The following LMO7 variants were observed in gnomAD, a reference collection of about 807,000 sequenced individuals.
The protein encoded by LMO7 is LIM domain only protein 7.
In LMO7, 120 loss-of-function variants were observed where a neutral mutation model predicts 206.5. The ratio of observed to expected loss-of-function variants is 0.58; its 90% CI spans 0.50 to 0.68. LMO7 has a LOEUF of 0.68. Among genes scored for constraint, LMO7 ranks in the 30% least tolerant of loss-of-function variants. The probability of loss-of-function intolerance (pLI) is 0.00; values close to 1 mark genes in which losing one functional copy is unlikely to be tolerated. For missense variants in LMO7, 1,959 were observed against 1,957.9 expected, an observed-to-expected ratio of 1.00 and a Z score of -0.01; for synonymous variants, 706 against 681.5, an observed-to-expected ratio of 1.04 and a Z score of -0.56.
At chr13:75,733,930 A>G (rs561814583) in intron 3 of LMO7, among the ~76,000 whole-genome samples, 2 of 152,162 alleles carry the variant, frequency 1.3e-5, no homozygotes, top group African/African-American at 4.8e-5. Flanking sequence ...GGCTACCACA[A>G]TGGTGGCCCA....
At chr13:75,754,187 C>T (rs1392731116) in intron 3 of LMO7, among the ~76,000 whole-genome samples, 2 of 152,194 alleles carry the variant, frequency 1.3e-5, no homozygotes, top group African/African-American at 4.8e-5. Context: ...CTCCCCATTT[C>T]CTCCTCCTCC....
chr13:75,672,715 A>G (rs558571393), intron 1 of LMO7, among the ~76,000 whole-genome samples: 264 of 152,336 alleles, frequency 1.7e-3, no homozygotes, highest in African/African-American at 6.2e-3. Flanking sequence ...TCAGCCTCAC[A>G]TGAAAAGTTC....
chr13:75,791,528 G>A (rs1419649350), intron 4 of LMO7, among the ~76,000 whole-genome samples: 2 of 152,106 alleles, frequency 1.3e-5, no homozygotes, highest in East Asian at 1.9e-4. Context: ...TGTACTGTGC[G>A]AGGCATTTTT....
intron 4 of LMO7, among the ~76,000 whole-genome samples, chr13:75,775,004 A>G (rs542244250): frequency 6.6e-6 from 1 of 152,120 alleles, no homozygotes; most frequent in Non-Finnish European, 1.5e-5. Context: ...CAGGGCGAGG[A>G]AGAGAGAATG....
At chr13:75,702,283 C>T (rs1264358042) in intron 1 of LMO7, among the ~76,000 whole-genome samples, 1 of 152,054 alleles carries the variant, frequency 6.6e-6, no homozygotes, top group African/African-American at 2.4e-5. Context: ...GACTTGTTGG[C>T]CTTCCCCAAG....
At chr13:75,848,920 A>C (rs771353524) in intron 26 of LMO7, 159 bp from the exon 27 acceptor site, 7 of 589,940 alleles carry the variant, frequency 1.2e-5, no homozygotes, top group African/African-American at 3.7e-5. Context: ...ACCAACGTCT[A>C]TTATTTTTTG....
Position 75,695,779 on chromosome 13 carries a change from G to A in LMO7, c.70-17403G>A, listed in dbSNP as rs754361093. Among the ~76,000 whole-genome samples the A allele has an allele frequency of 6.0e-4, 92 of 152,306 alleles. 1 individual carries two copies. The highest frequency in any genetic ancestry group is 1.0e-3 in the Non-Finnish European group (71 of 68,028). On this transcript the variant is annotated intron_variant, in intron 1 of 30. Coordinates refer to ENST00000377534, the MANE Select transcript of LMO7 (RefSeq NM_001306080.2). ...ATTTTAATGCTTCAAAACCAGTTTT[G>A]TAGAAACACATCAGAAGCTCTCGTG...
intron 6 of LMO7, among the ~76,000 whole-genome samples, chr13:75,798,977 T>A (rs796761317): frequency 1.1e-4 from 17 of 152,190 alleles, no homozygotes; most frequent in East Asian, 7.7e-4. Flanking sequence ...CGCTTAAATT[T>A]AAAAAAATCT....
intron 13 of LMO7, 79 bp from the exon 14 acceptor site, chr13:75,821,098 C>G: frequency 1.9e-6 from 2 of 1,074,168 alleles, no homozygotes; most frequent in South Asian, 1.6e-5. Context: ...CAGTCCGTTT[C>G]ATGCGTTGAT....
At chr13:75,856,471 C>T (rs113743560) in intron 29 of LMO7, 35 bp from the exon 30 acceptor site, 1 of 1,317,146 alleles carries the variant, frequency 7.6e-7, no homozygotes, top group Non-Finnish European at 1.1e-6. Flanking sequence ...CTTGAGCTGA[C>T]TGATTGTAGA....
chr13:75,849,386 A>G, intron 27 of LMO7, 94 bp downstream of exon 27: 1 of 944,250 alleles, frequency 1.1e-6, no homozygotes, highest in Admixed American at 2.1e-5. Context: ...AAGAGATGAA[A>G]GGAACATAGA....
chr13:75,691,598 T>C (rs1446091427), intron 1 of LMO7, among the ~76,000 whole-genome samples: 1 of 152,134 alleles, frequency 6.6e-6, no homozygotes, highest in Non-Finnish European at 1.5e-5. Context: ...TTGATCTCTT[T>C]CTTCGGGCTT....
intron 4 of LMO7, among the ~76,000 whole-genome samples, chr13:75,784,261 T>C (rs1315897851): frequency 1.3e-5 from 2 of 152,336 alleles, no homozygotes; most frequent in African/African-American, 4.8e-5. Context: ...TCGATTAACC[T>C]TTGGCATAAA....
intron 4 of LMO7, among the ~76,000 whole-genome samples, chr13:75,786,547 TTTTG>T (rs1594986510): frequency 6.6e-6 from 1 of 151,934 alleles, no homozygotes; most frequent in Non-Finnish European, 1.5e-5. Flanking sequence ...GCTAATTTTT[TTTTG>T]TTTGTTTGTA....
At chr13:75,800,608 A>G in intron 6 of LMO7, 76 bp from the exon 7 acceptor site, 1 of 1,358,812 alleles carries the variant, frequency 7.4e-7, no homozygotes, top group Admixed American at 1.8e-5. Flanking sequence ...TAGGCAAACA[A>G]GCAAGTAATA....
At chr13:75,643,029 T>C (rs1019260959) in intron 1 of LMO7, among the ~76,000 whole-genome samples, 2 of 152,192 alleles carry the variant, frequency 1.3e-5, no homozygotes, top group Non-Finnish European at 2.9e-5. Flanking sequence ...TTAAGCCATT[T>C]GTAAAGCACA....
chr13:75,834,137 C>T, intron 16 of LMO7, 89 bp from the exon 17 acceptor site: 2 of 919,274 alleles, frequency 2.2e-6, no homozygotes, highest in South Asian at 2.0e-5. Context: ...AATTGAAATT[C>T]AGAGTCATTT....
intron 4 of LMO7, among the ~76,000 whole-genome samples, chr13:75,764,741 C>T (rs555160541): frequency 7.2e-5 from 11 of 152,190 alleles, no homozygotes; most frequent in African/African-American, 2.6e-4. Context: ...ACCCCCTTAC[C>T]ATTCCAATCC....
At chr13:75,706,669 T>G (rs1215525940) in intron 1 of LMO7, among the ~76,000 whole-genome samples, 2 of 152,206 alleles carry the variant, frequency 1.3e-5, no homozygotes, top group Non-Finnish European at 2.9e-5. Context: ...AAAGATTAAC[T>G]GAACATTTTT....
Sources: allele counts gnomAD v4.1 joint callset (sites outside exome capture counted in the v4.1 genomes callset), GRCh38; gene constraint gnomAD v4.1.1; transcripts MANE v1.5; gene names NCBI Gene and HGNC (gene_info 2026-07-23, HGNC 2026-07-21).